ANKRD6: variants seen among roughly 807,000 people sequenced by gnomAD.
ANKRD6 encodes ankyrin repeat domain 6.
Under a neutral mutation model 82.3 loss-of-function variants are expected in ANKRD6, and 56 were observed. That is an observed-to-expected ratio of 0.68 (90% confidence interval 0.55 to 0.85). The LOEUF (loss-of-function observed/expected upper bound fraction) is 0.85. Among genes scored for constraint, ANKRD6 ranks in the 40% least tolerant of loss-of-function variants. The pLI is 0.00. For missense variants in ANKRD6, 852 were observed against 907.6 expected (o/e 0.94, Z 0.79); for synonymous variants, 347 against 352.1 (o/e 0.99, Z 0.16).
intron 8 of ANKRD6, chr6:89,616,962 T>G: frequency 1.9e-6 from 1 of 535,082 alleles, no homozygotes; most frequent in Non-Finnish European, 3.6e-6. Context: ...CCAAAGTGAG[T>G]TCCAAGCTGT....
intron 7 of ANKRD6, among the ~76,000 whole-genome samples, chr6:89,614,492 A>G (rs1801010218): frequency 6.6e-6 from 1 of 152,130 alleles, no homozygotes; most frequent in South Asian, 2.1e-4. Flanking sequence ...CCAAAAATAC[A>G]AAAATTAGCC....
chr6:89,558,970 A>G (rs1787014439), intron 1 of ANKRD6, among the ~76,000 whole-genome samples: 1 of 152,218 alleles, frequency 6.6e-6, no homozygotes, highest in South Asian at 2.1e-4. Flanking sequence ...GGCAGGAAGA[A>G]AGAGAAAGCC....
At chr6:89,502,976 C>T (rs1779429782) in intron 1 of ANKRD6, among the ~76,000 whole-genome samples, 1 of 152,168 alleles carries the variant, frequency 6.6e-6, no homozygotes, top group South Asian at 2.1e-4. Context: ...AACCCCTCCA[C>T]CACACCCTCT....
At chr6:89,519,917 T>C (rs1781690059) in intron 1 of ANKRD6, among the ~76,000 whole-genome samples, 2 of 152,232 alleles carry the variant, frequency 1.3e-5, no homozygotes, top group African/African-American at 4.8e-5. Flanking sequence ...AATTTTCTAC[T>C]AAGAATTTTG....
At chr6:89,584,388 C>A in intron 2 of ANKRD6, among the ~76,000 whole-genome samples, 1 of 152,150 alleles carries the variant, frequency 6.6e-6, no homozygotes, top group East Asian at 1.9e-4. Context: ...TCCCTGAGGC[C>A]CTCTTAGTAG....
intron 1 of ANKRD6, among the ~76,000 whole-genome samples, chr6:89,529,281 T>G (rs1782867231): frequency 6.6e-6 from 1 of 152,266 alleles, no homozygotes; most frequent in African/African-American, 2.4e-5. Context: ...AACTTCTACA[T>G]CAGCACTTGC....
chr6:89,549,396 C>T (rs35929012), intron 1 of ANKRD6, among the ~76,000 whole-genome samples: 3,066 of 150,342 alleles, frequency 0.02, 56 homozygotes, highest in African/African-American at 0.043. Flanking sequence ...CCCCCACCAC[C>T]CCACACCCTC....
At chr6:89,583,847 GC>G (rs1793133941) in intron 2 of ANKRD6, among the ~76,000 whole-genome samples, 1 of 152,264 alleles carries the variant, frequency 6.6e-6, no homozygotes, top group African/African-American at 2.4e-5. Context: ...GGCCCTGTTT[GC>G]CCCCTGCTTC....
chr6:89,570,089 A>G (rs1405202780), intron 2 of ANKRD6, among the ~76,000 whole-genome samples: 7 of 86,930 alleles, frequency 8.1e-5, no homozygotes, highest in East Asian at 5.9e-4. Context: ...GTGTGTGTGT[A>G]TAATTTATTT....
chr6:89,527,971 G>A (rs568308324), intron 1 of ANKRD6, among the ~76,000 whole-genome samples: 3 of 152,186 alleles, frequency 2.0e-5, no homozygotes, highest in African/African-American at 7.2e-5. Flanking sequence ...CACAATGCCT[G>A]GCTAATTTTT....
intron 2 of ANKRD6, among the ~76,000 whole-genome samples, chr6:89,580,216 T>A (rs935018024): frequency 6.6e-6 from 1 of 151,956 alleles, no homozygotes; most frequent in African/African-American, 2.4e-5. Context: ...GATTTTTTTT[T>A]TTTTTTTAAA....
At chr6:89,447,419 C>CT (rs993901526) in intron 1 of ANKRD6, among the ~76,000 whole-genome samples, 1 of 152,170 alleles carries the variant, frequency 6.6e-6, no homozygotes, top group Admixed American at 6.5e-5. Context: ...GGCTCTGACT[C>CT]TATCAATTGT....
intron 1 of ANKRD6, among the ~76,000 whole-genome samples, chr6:89,506,594 C>G (rs1321312784): frequency 6.6e-6 from 1 of 152,142 alleles, no homozygotes; most frequent in Non-Finnish European, 1.5e-5. Context: ...AGATTACAGG[C>G]GTAAGCCACC....
At chr6:89,611,019 A>G (rs1324381384) in intron 5 of ANKRD6, among the ~76,000 whole-genome samples, 1 of 152,052 alleles carries the variant, frequency 6.6e-6, no homozygotes, top group African/African-American at 2.4e-5. Flanking sequence ...TGTGCACCCA[A>G]GGGTTGAGAA....
At chr6:89,470,615 C>CAATAAT (rs10646494) in intron 1 of ANKRD6, among the ~76,000 whole-genome samples, 4 of 151,280 alleles carry the variant, frequency 2.6e-5, no homozygotes, top group Admixed American at 1.3e-4. Flanking sequence ...GACCCTGCCT[C>CAATAAT]AATAATAATA....
At chr6:89,527,601 CAAAAAAAAAAAAAAAA>C (rs35855223) in intron 1 of ANKRD6, among the ~76,000 whole-genome samples, 3 of 45,696 alleles carry the variant, frequency 6.6e-5, no homozygotes, top group Admixed American at 6.5e-4. Flanking sequence ...GACTCCGTCT[CAAAAAAAAAAAAAAAA>C]AAAAAAAAAG....
At chr6:89,549,164 C>T (rs1427881538) in intron 1 of ANKRD6, among the ~76,000 whole-genome samples, 2 of 151,992 alleles carry the variant, frequency 1.3e-5, no homozygotes, top group Non-Finnish European at 2.9e-5. Flanking sequence ...GAGCCATGAG[C>T]GCGCCACTGC....
At chr6:89,597,018 G>A (rs367942067) in intron 3 of ANKRD6, among the ~76,000 whole-genome samples, 10 of 152,274 alleles carry the variant, frequency 6.6e-5, no homozygotes, top group African/African-American at 2.4e-4. Context: ...GCTACAGTGT[G>A]GTTTACTAAA....
chr6:89,449,119 A>G lies in ANKRD6; in HGVS notation c.-144+15744A>G, dbSNP rs1582648824. Among the ~76,000 whole-genome samples the G allele has an allele frequency of 5.3e-5, 8 of 152,310 alleles. No homozygotes were observed. In the South Asian group the frequency reaches 1.4e-3, roughly 28 times the overall value. ...CCTCTGATGGATCTGGGCAAAGTAA[A>G]CAGAAAATCTTTTGGAAAGGATTCA... On this transcript the variant is annotated intron_variant, in intron 1 of 15. Coordinates refer to ENST00000339746, the MANE Select transcript of ANKRD6 (RefSeq NM_001242809.2).
Sources: gnomAD v4.1 joint callset for allele counts (sites outside exome capture counted in the v4.1 genomes callset) on GRCh38, gnomAD v4.1.1 for gene constraint, MANE v1.5 for transcripts, NCBI Gene and HGNC (gene_info 2026-07-23, HGNC 2026-07-21) for gene names.